The following SEC24A variants were observed in gnomAD, a reference collection of about 807,000 sequenced individuals.
SEC24A encodes protein transport protein Sec24A.
In SEC24A, 93 loss-of-function variants were observed where a neutral mutation model predicts 129.4. The ratio of observed to expected loss-of-function variants is 0.72; its 90% confidence interval spans 0.61 to 0.85. The LOEUF is 0.85. Among genes scored for constraint, SEC24A ranks in the 40% least tolerant of loss-of-function variants. The pLI is 0.00. For synonymous variants in SEC24A, 460 were observed against 467.3 expected, an observed-to-expected ratio of 0.98 and a Z score of 0.20; for missense variants, 1,264 against 1,307.4, an observed-to-expected ratio of 0.97 and a Z score of 0.51.
chr5:134,680,493 C>T (rs572938674), intron 8 of SEC24A, among the ~76,000 whole-genome samples: 115 of 151,258 alleles, frequency 7.6e-4, no homozygotes, highest in Non-Finnish European at 1.4e-3. Context: ...CCACCACGGC[C>T]GGCTAATTTT....
chr5:134,688,662 A>G lies in SEC24A; in HGVS notation c.1723+363A>G, dbSNP rs569687691. 2.7e-5 allele frequency among the ~76,000 whole-genome samples: 4 copies of G among 148,288 alleles called. No homozygotes were observed. In the South Asian group the frequency reaches 8.4e-4, roughly 31 times the overall value. On this transcript the variant is annotated intron_variant, in intron 11 of 22. Transcript: ENST00000398844. ...GAATAAAGCCTAGCATATATAGTCA[A>G]TTGATTTTATTTATTTATTTATTTA...
chr5:134,684,638 G>C (rs1751387263), intron 9 of SEC24A, among the ~76,000 whole-genome samples: 1 of 151,902 alleles, frequency 6.6e-6, no homozygotes, highest in South Asian at 2.1e-4. Context: ...GCTTGAACCA[G>C]GGAGGCAGAG....
intron 19 of SEC24A, among the ~76,000 whole-genome samples, chr5:134,717,272 G>A (rs1435209638): frequency 6.6e-6 from 1 of 152,106 alleles, no homozygotes; most frequent in Admixed American, 6.6e-5. Context: ...GGGAGGCCGA[G>A]GCAGGTGGAT....
chr5:134,693,945 A>G lies in SEC24A; in HGVS notation c.1986+12A>G. 8 of 1,608,824 alleles carry G rather than the reference A, an allele frequency of 5.0e-6. No homozygotes were observed. Among genetic ancestry groups the G allele is most frequent in the African/African-American group, 4.0e-5 (3 of 74,940 alleles). On this transcript the variant is annotated intron_variant, in intron 13 of 22. Coordinates refer to ENST00000398844, the MANE Select transcript of SEC24A (RefSeq NM_021982.3). ...GGTCATCTGCTAAGGTTAGAGAGTCATGAAATGTCTGATAAGGTTTATGCT... is the reference window on the plus strand; with the variant it reads ...GGTCATCTGCTAAGGTTAGAGAGTCGTGAAATGTCTGATAAGGTTTATGCT...
At chr5:134,672,923 TG>T (rs563517995) in intron 4 of SEC24A, among the ~76,000 whole-genome samples, 2 of 151,440 alleles carry the variant, frequency 1.3e-5, no homozygotes, top group African/African-American at 4.8e-5. Context: ...TTTGTAGAGA[TG>T]GGGGGGTGGG....
At chr5:134,705,492 C>A in intron 17 of SEC24A, 55 bp downstream of exon 17, 2 of 1,161,280 alleles carry the variant, frequency 1.7e-6, no homozygotes, top group Non-Finnish European at 2.5e-6. Context: ...TAGGCACATC[C>A]AAACAGTTTT....
At chr5:134,696,877 C>CT (rs1370335045) in intron 13 of SEC24A, among the ~76,000 whole-genome samples, 1 of 151,876 alleles carries the variant, frequency 6.6e-6, no homozygotes, top group Non-Finnish European at 1.5e-5. Flanking sequence ...GTCCACCCGC[C>CT]TTGGCTTCCC....
chr5:134,674,684 C>T lies in SEC24A; in HGVS notation c.887C>T (p.Pro296Leu). 1 of 1,613,964 alleles carries T rather than the reference C, an allele frequency of 6.2e-7. No homozygotes were observed. Among genetic ancestry groups the T allele is most frequent in the South Asian group, 1.1e-5 (1 of 91,070 alleles). The stretch of plus-strand genomic sequence containing the variant: ...GTTGGATATTCATATCCCTCCTTAC[C>T]ACCTGGTTATCAGAACACAACACCA... ...RSVGYSYPSL[P>L]PGYQNTTPPG... The change falls in exon 5 of 23, where the codon CCA becomes CTA. Residue 296 changes from proline to leucine, a missense_variant. Physicochemically the swap from Pro to Leu is moderately conservative, Grantham distance 98. Transcript: ENST00000398844.
intron 13 of SEC24A, among the ~76,000 whole-genome samples, chr5:134,695,463 C>A (rs186242348): frequency 6.6e-6 from 1 of 151,132 alleles, no homozygotes; most frequent in Admixed American, 6.6e-5. Flanking sequence ...ACCAGCCTGG[C>A]CAACACGACG....
chr5:134,648,645 G>A (rs1749936409), upstream of SEC24A: 2 of 153,942 alleles, frequency 1.3e-5, 1 homozygote, highest in African/African-American at 4.8e-5. Flanking sequence ...TCGGGGTCGG[G>A]GCACCAGGAG....
chr5:134,675,178 A>C lies in SEC24A; in HGVS notation c.1112A>C (p.Asn371Thr). 1.2e-6 allele frequency: 2 copies of C among 1,613,186 alleles called. No homozygotes were observed. Among genetic ancestry groups the C allele is most frequent in the Non-Finnish European group, 1.7e-6 (2 of 1,179,346 alleles). ...PSTPLKPPVP[N>T]LHEDIQKLNC... ...ACACCTTTGAAGCCTCCAGTTCCAA[A>C]TTTGCATGAAGACATCCAGAAACTC... Residue 371 changes from asparagine to threonine, a missense_variant, in exon 6 of 23, where the codon AAT becomes ACT. Coordinates refer to ENST00000398844, the MANE Select transcript of SEC24A (RefSeq NM_021982.3).
chr5:134,720,681 T>A (rs955084128), intron 20 of SEC24A, among the ~76,000 whole-genome samples: 2 of 152,088 alleles, frequency 1.3e-5, no homozygotes, highest in Non-Finnish European at 2.9e-5. Context: ...GGCAGGCAGA[T>A]CTCTTGAGGT....
At chr5:134,659,047 TTTTATTTA>T (rs142189667) in intron 1 of SEC24A, among the ~76,000 whole-genome samples, 332 of 138,830 alleles carry the variant, frequency 2.4e-3, no homozygotes, top group South Asian at 3.9e-3. Flanking sequence ...ACCCATTTAT[TTTTATTTA>T]TTTATTTATT....
chr5:134,659,055 A>ATTTATTTT (rs1750350219), intron 1 of SEC24A, among the ~76,000 whole-genome samples: 1 of 146,108 alleles, frequency 6.8e-6, no homozygotes, highest in Non-Finnish European at 1.5e-5. Context: ...ATTTTTATTT[A>ATTTATTTT]TTTATTTATT....
intron 11 of SEC24A, among the ~76,000 whole-genome samples, chr5:134,692,101 T>C (rs1751677212): frequency 7.2e-6 from 1 of 139,742 alleles, no homozygotes; most frequent in Non-Finnish European, 1.5e-5. Flanking sequence ...ACCTCCCCAC[T>C]AGCCTGGGAG....
chr5:134,720,860 C>T, intron 20 of SEC24A, 138 bp from the exon 21 acceptor site: 1 of 509,978 alleles, frequency 2.0e-6, no homozygotes, highest in Admixed American at 3.4e-5. Flanking sequence ...CGAGATTACA[C>T]CACTGCACTC....
chr5:134,726,803 G>T lies in SEC24A; in HGVS notation c.*1709G>T, dbSNP rs1752766033. On this transcript the variant is annotated 3_prime_UTR_variant, in exon 23 of 23. Transcript: ENST00000398844. ...TGTTCCTCTTAATGTGATTTTAAAT[G>T]GAGTTATTTGTAGGTCCTTTCTTAG... The T allele has an allele frequency of 6.6e-6, 1 of 152,076 alleles. No individual in the cohort carries two copies. The highest frequency in any genetic ancestry group is 2.4e-5 in the African/African-American group (1 of 41,432). 9.4% of individuals were successfully genotyped at this position (152,076 alleles called of 1,614,324 possible).
intron 1 of SEC24A, among the ~76,000 whole-genome samples, chr5:134,659,892 A>G (rs2150071137): frequency 6.6e-6 from 1 of 152,172 alleles, no homozygotes; most frequent in African/African-American, 2.4e-5. Flanking sequence ...AGCTCAAGCT[A>G]TCTGCCCGCC....
chr5:134,714,580 A>G (rs147868121), intron 18 of SEC24A, among the ~76,000 whole-genome samples: 2 of 152,346 alleles, frequency 1.3e-5, no homozygotes, highest in East Asian at 3.9e-4. Context: ...TGGAAAAATT[A>G]TCTTCTGCGA....
Sources: allele counts gnomAD v4.1 joint callset (sites outside exome capture counted in the v4.1 genomes callset), GRCh38; gene constraint gnomAD v4.1.1; transcripts MANE v1.5; gene names NCBI Gene and HGNC (gene_info 2026-07-23, HGNC 2026-07-21).